ST18: variants seen among roughly 807,000 people sequenced by gnomAD.
ST18 encodes ST18 C2H2C-type zinc finger transcription factor, also known as suppression of tumorigenicity 18 protein.
A neutral mutation model predicts 110.0 loss-of-function variants in ST18; 50 were observed. The observed-to-expected ratio is 0.45, with a 90% CI of 0.36 to 0.58. The LOEUF (loss-of-function observed/expected upper bound fraction) is 0.58. Among genes scored for constraint, ST18 ranks in the 20% least tolerant of loss-of-function variants. The probability of loss-of-function intolerance (pLI) is 0.00; values close to 1 mark genes in which losing one functional copy is unlikely to be tolerated. For missense variants in ST18, 1,306 were observed against 1,280.1 expected, an observed-to-expected ratio of 1.02 and a Z score of -0.31; for synonymous variants, 461 against 452.4, an observed-to-expected ratio of 1.02 and a Z score of -0.24.
At chr8:52,225,151 C>A (rs2088820735) in intron 3 of ST18, among the ~76,000 whole-genome samples, 1 of 152,198 alleles carries the variant, frequency 6.6e-6, no homozygotes, top group South Asian at 2.1e-4. Context: ...AAACATAGAT[C>A]TCTTCTCCTT....
chr8:52,212,166 G>A, intron 7 of ST18, 57 bp from the exon 8 acceptor site: 1 of 1,539,058 alleles, frequency 6.5e-7, no homozygotes, highest in South Asian at 1.2e-5. Context: ...TTTCAAAACT[G>A]TATAATGGAA....
intron 2 of ST18, among the ~76,000 whole-genome samples, chr8:52,358,721 A>G (rs1824295714): frequency 6.6e-6 from 1 of 152,004 alleles, no homozygotes; most frequent in Non-Finnish European, 1.5e-5. Flanking sequence ...AATAAACCAT[A>G]CAACTACCAC....
chr8:52,220,510 T>C (rs1160489634), intron 5 of ST18: 1 of 152,174 alleles, frequency 6.6e-6, no homozygotes, highest in East Asian at 1.9e-4. Context: ...CCAATCAATA[T>C]GCAAAACGGT....
chr8:52,165,358 G>T, intron 11 of ST18, 133 bp from the exon 12 acceptor site: 1 of 817,166 alleles, frequency 1.2e-6, no homozygotes, highest in Non-Finnish European at 2.0e-6. Context: ...TCTCTATTCA[G>T]ACACAAACAA....
intron 2 of ST18, among the ~76,000 whole-genome samples, chr8:52,340,568 G>C (rs1814467244): frequency 6.6e-6 from 1 of 152,174 alleles, no homozygotes; most frequent in Admixed American, 6.5e-5. Flanking sequence ...TATCACCTGG[G>C]TATGATTTCA....
chr8:52,378,415 C>T (rs989357594), intron 2 of ST18, among the ~76,000 whole-genome samples: 1 of 152,064 alleles, frequency 6.6e-6, no homozygotes, highest in Non-Finnish European at 1.5e-5. Flanking sequence ...TAAAAAAGAG[C>T]AATGAGCTAT....
At chr8:52,181,792 C>T (rs555202841) in intron 8 of ST18, among the ~76,000 whole-genome samples, 6 of 152,132 alleles carry the variant, frequency 3.9e-5, no homozygotes, top group South Asian at 4.2e-4. Flanking sequence ...AAGTCCACAC[C>T]GTAGATTATG....
intron 2 of ST18, among the ~76,000 whole-genome samples, chr8:52,299,682 C>T (rs2095687322): frequency 6.6e-6 from 1 of 152,180 alleles, no homozygotes; most frequent in Non-Finnish European, 1.5e-5. Context: ...GTTTGCTCTT[C>T]TGTCAATCAC....
chr8:52,343,232 A>G (rs1039148012), intron 2 of ST18, among the ~76,000 whole-genome samples: 1 of 152,130 alleles, frequency 6.6e-6, no homozygotes, highest in East Asian at 1.9e-4. Flanking sequence ...ATGGAAATAA[A>G]CCAGGCCGTT....
intron 2 of ST18, among the ~76,000 whole-genome samples, chr8:52,362,824 G>T (rs1826267197): frequency 6.6e-6 from 1 of 152,018 alleles, no homozygotes; most frequent in Non-Finnish European, 1.5e-5. Context: ...AATGCCTTTG[G>T]TACCCAAGGT....
chr8:52,332,743 C>G (rs988361308), intron 2 of ST18, among the ~76,000 whole-genome samples: 1 of 151,854 alleles, frequency 6.6e-6, no homozygotes, highest in Non-Finnish European at 1.5e-5. Flanking sequence ...CCCAGCTACT[C>G]AGGAGGCTGA....
At chr8:52,238,995 C>T (rs1294090890) in intron 2 of ST18, among the ~76,000 whole-genome samples, 1 of 151,998 alleles carries the variant, frequency 6.6e-6, no homozygotes, top group African/African-American at 2.4e-5. Context: ...ACTTGTACCC[C>T]CTATATCTAT....
intron 2 of ST18, among the ~76,000 whole-genome samples, chr8:52,304,779 G>A (rs2095787667): frequency 6.6e-6 from 1 of 152,172 alleles, no homozygotes; most frequent in Admixed American, 6.5e-5. Context: ...CAACGTCTGG[G>A]AAGGGCCTAC....
intron 16 of ST18, among the ~76,000 whole-genome samples, chr8:52,145,486 A>G (rs554938318): frequency 6.6e-6 from 1 of 152,250 alleles, no homozygotes; most frequent in Admixed American, 6.5e-5. Flanking sequence ...AAACCTTCAG[A>G]GAGTGTATGT....
intron 19 of ST18, among the ~76,000 whole-genome samples, chr8:52,134,947 C>T (rs1412394078): frequency 6.6e-6 from 1 of 152,104 alleles, no homozygotes; most frequent in Non-Finnish European, 1.5e-5. Flanking sequence ...AAACCAAAGA[C>T]ATTACTTATT....
chr8:52,393,564 T>C (rs2141002308), intron 2 of ST18: 1 of 152,210 alleles, frequency 6.6e-6, no homozygotes, highest in South Asian at 2.1e-4. Context: ...GGCAGTAATT[T>C]TGCATATTTA....
chr8:52,136,257 T>C (rs1270850737), intron 19 of ST18, among the ~76,000 whole-genome samples: 1 of 152,202 alleles, frequency 6.6e-6, no homozygotes, highest in African/African-American at 2.4e-5. Context: ...TCTTTAAAAT[T>C]AAATGGCAGG....
chr8:52,182,970 G>C (rs192792412), intron 8 of ST18, among the ~76,000 whole-genome samples: 235 of 152,252 alleles, frequency 1.5e-3, no homozygotes, highest in South Asian at 4.3e-3. Flanking sequence ...CTGACTTTAA[G>C]ATCCTTACAA....
intron 14 of ST18, among the ~76,000 whole-genome samples, chr8:52,160,200 G>C (rs1299088085): frequency 6.6e-6 from 1 of 152,158 alleles, no homozygotes; most frequent in Admixed American, 6.5e-5. Context: ...TTGTATATCT[G>C]TATAGGCACA....
Sources: gnomAD v4.1 joint callset for allele counts (sites outside exome capture counted in the v4.1 genomes callset) on GRCh38, gnomAD v4.1.1 for gene constraint, MANE v1.5 for transcripts, NCBI Gene and HGNC (gene_info 2026-07-23, HGNC 2026-07-21) for gene names.